Variants in MICU2 observed in about 807,000 individuals in gnomAD.
MICU2 encodes calcium uptake protein 2, mitochondrial.
A neutral mutation model predicts 60.4 loss-of-function variants in MICU2; 64 were observed. The ratio of observed to expected loss-of-function variants is 1.06; its 90% CI spans 0.87 to 1.31. The LOEUF (loss-of-function observed/expected upper bound fraction) is 1.31, where lower values mean the gene tolerates loss of function less well. MICU2 is among the 50% of genes most tolerant of loss of function. The pLI is 0.00. For missense variants in MICU2, 569 were observed against 531.0 expected, an observed-to-expected ratio of 1.07 and a Z score of -0.70; for synonymous variants, 201 against 175.0, an observed-to-expected ratio of 1.15 and a Z score of -1.17.
intron 2 of MICU2, among the ~76,000 whole-genome samples, chr13:21,550,130 A>G (rs1428223964): frequency 6.6e-6 from 1 of 152,216 alleles, no homozygotes; most frequent in Non-Finnish European, 1.5e-5. Flanking sequence ...TAACTTAATA[A>G]AGACTTAAGG....
chr13:21,512,637 G>T (rs1212546201), intron 7 of MICU2, among the ~76,000 whole-genome samples: 4 of 151,832 alleles, frequency 2.6e-5, no homozygotes, highest in Non-Finnish European at 4.4e-5. Flanking sequence ...TTTTAGTAGA[G>T]ACAGGGTTTC....
In MICU2 at chr13:21,534,770, A is replaced by G. The variant is rs527599053; in HGVS notation, c.466+4532T>C. Among the ~76,000 whole-genome samples the G allele has an allele frequency of 5.3e-5, 8 of 152,302 alleles. No individual in the cohort carries two copies. The South Asian group carries it at 8.3e-4, about 16-fold the overall frequency. ...ACTGGGGATATAAAAATAACCACAT[A>G]TATTTTTCCACTTTGAGATTATGGC... On this transcript the variant is annotated intron_variant, in intron 4 of 11. Transcript: ENST00000382374.
intron 1 of MICU2, among the ~76,000 whole-genome samples, chr13:21,579,343 C>CT (rs11372645): frequency 0.72 from 101,294 of 141,378 alleles, 36,508 homozygotes; most frequent in East Asian, 0.99. Context: ...AAAGCTCTGC[C>CT]TTTTTTTTTT....
chr13:21,527,731 G>T (rs1334689682), intron 4 of MICU2, among the ~76,000 whole-genome samples: 1 of 152,192 alleles, frequency 6.6e-6, no homozygotes, highest in Non-Finnish European at 1.5e-5. Context: ...ATGTTTAAAA[G>T]TTTGTTAAAG....
In MICU2 at chr13:21,493,217, A is replaced by G. The variant is rs1885903887; in HGVS notation, c.*32T>C. The stretch of plus-strand genomic sequence containing the variant: ...AAAATCACAAATTTTGACATTTGGA[A>G]CAATATAATTGCCATACTATTATAT... On this transcript the variant is annotated 3_prime_UTR_variant, in exon 12 of 12. Transcript: ENST00000382374. 5.5e-6 allele frequency: 8 copies of G among 1,449,504 alleles called. No individual in the cohort carries two copies. Among genetic ancestry groups the G allele is most frequent in the Non-Finnish European group, 7.5e-6 (8 of 1,062,358 alleles). 89.8% of individuals were successfully genotyped at this position (1,449,504 alleles called of 1,614,324 possible).
At chr13:21,586,233 A>G (rs1456818406) in intron 1 of MICU2, among the ~76,000 whole-genome samples, 1 of 152,224 alleles carries the variant, frequency 6.6e-6, no homozygotes, top group Non-Finnish European at 1.5e-5. Flanking sequence ...CCCTGAATCT[A>G]CTTTTTCAGA....
chr13:21,499,091 C>T (rs1032906596), intron 9 of MICU2, among the ~76,000 whole-genome samples: 1 of 152,148 alleles, frequency 6.6e-6, no homozygotes. Context: ...GCTGTGATTA[C>T]AGGCATGCGC....
At position 21,522,416 on chromosome 13, in the gene MICU2, T is replaced by C. The variant is rs117235954; in HGVS notation, c.514+187A>G. ...AAAGAGACAAAGCTATGGGCTGCTA[T>C]AGTGCACAGGAGGCAGAAGTGACCC... On this transcript the variant is annotated intron_variant, in intron 5 of 11. Coordinates refer to ENST00000382374, the MANE Select transcript of MICU2 (RefSeq NM_152726.3). 3.9e-5 allele frequency among the ~76,000 whole-genome samples: 6 copies of C among 152,292 alleles called. No homozygotes were observed. In the East Asian group the frequency reaches 1.2e-3, roughly 29 times the overall value.
At chr13:21,532,859 G>C (rs1006450365) in intron 4 of MICU2, among the ~76,000 whole-genome samples, 2 of 152,040 alleles carry the variant, frequency 1.3e-5, no homozygotes, top group Non-Finnish European at 2.9e-5. Flanking sequence ...GTGAGGAAGT[G>C]AACACAACAC....
intron 2 of MICU2, among the ~76,000 whole-genome samples, chr13:21,548,488 A>G (rs1055353406): frequency 2.6e-5 from 4 of 152,232 alleles, no homozygotes; most frequent in Non-Finnish European, 4.4e-5. Flanking sequence ...AATTGAGAAT[A>G]TTAATTTTAA....
In MICU2 at chr13:21,582,125, G is replaced by A. The variant is rs112327751; in HGVS notation, c.211-15181C>T. ...TAGAGAAACAACTAAAGAGAAATAC[G>A]GGTGACAAGAGACTGGAGAGCAAGG... On this transcript the variant is annotated intron_variant, in intron 1 of 11. Coordinates refer to ENST00000382374, the MANE Select transcript of MICU2 (RefSeq NM_152726.3). Among the ~76,000 whole-genome samples, 197 of 152,228 alleles carry A rather than the reference G, an allele frequency of 1.3e-3. 1 individual carries two copies. The highest frequency in any genetic ancestry group is 4.4e-3 in the Admixed American group (67 of 15,288).
chr13:21,494,276 T>TTC (rs1382971115), intron 11 of MICU2, among the ~76,000 whole-genome samples: 1 of 151,954 alleles, frequency 6.6e-6, no homozygotes, highest in African/African-American at 2.4e-5. Context: ...TAGTACCATA[T>TTC]TCTCTCTCTC....
At chr13:21,603,799 G>T in intron 1 of MICU2, 140 bp downstream of exon 1, 2 of 945,790 alleles carry the variant, frequency 2.1e-6, no homozygotes, top group Non-Finnish European at 3.1e-6. Flanking sequence ...AGTCCCACCA[G>T]TCGCAGGGCG....
At chr13:21,497,742 A>G (rs2138129370) in intron 9 of MICU2, among the ~76,000 whole-genome samples, 1 of 152,274 alleles carries the variant, frequency 6.6e-6, no homozygotes, top group East Asian at 1.9e-4. Flanking sequence ...TAAACAAAGT[A>G]TGAAAATTCT....
In MICU2 at chr13:21,558,906, T is replaced by C. The variant is rs149858199; in HGVS notation, c.358+7891A>G. On this transcript the variant is annotated intron_variant, in intron 2 of 11. Coordinates refer to ENST00000382374, the MANE Select transcript of MICU2 (RefSeq NM_152726.3). ...AAGTAGCTGGGGGCAAGATGAGAAATGCTGGTATCCGGTTTCTCTGGGAAG... is the reference window on the plus strand; with the variant it reads ...AAGTAGCTGGGGGCAAGATGAGAAACGCTGGTATCCGGTTTCTCTGGGAAG... 2.3e-3 allele frequency among the ~76,000 whole-genome samples: 351 copies of C among 152,198 alleles called. 3 individuals carry two copies. The highest frequency in any genetic ancestry group is 7.7e-3 in the African/African-American group (319 of 41,544).
rs188363485 is a variant in MICU2, at chr13:21,541,184, T to G, written c.359-1496A>C. Among the ~76,000 whole-genome samples, 247 of 152,160 alleles carry G rather than the reference T, an allele frequency of 1.6e-3. 1 individual carries two copies. The highest frequency in any genetic ancestry group is 5.7e-3 in the African/African-American group (236 of 41,540). The stretch of plus-strand genomic sequence containing the variant: ...ATGGTGTCTAAGAGTTTCTTAGAAA[T>G]CAGATTATTTCTAAGGGGTGTTATC... On this transcript the variant is annotated intron_variant, in intron 2 of 11. Coordinates refer to ENST00000382374, the MANE Select transcript of MICU2 (RefSeq NM_152726.3).
intron 10 of MICU2, 194 bp from the exon 11 acceptor site, chr13:21,495,512 C>T (rs1885972431): frequency 1.9e-6 from 1 of 526,460 alleles, no homozygotes; most frequent in African/African-American, 1.9e-5. Flanking sequence ...CACTGCAAGA[C>T]AAATGAGCTA....
chr13:21,581,551 C>A (rs73445720), intron 1 of MICU2, among the ~76,000 whole-genome samples: 3,430 of 152,050 alleles, frequency 0.023, 135 homozygotes, highest in African/African-American at 0.079. Context: ...CAGATTCACA[C>A]CCTATTCAAA....
intron 4 of MICU2, among the ~76,000 whole-genome samples, chr13:21,528,083 G>A (rs1886900033): frequency 6.6e-6 from 1 of 151,988 alleles, no homozygotes; most frequent in South Asian, 2.1e-4. Flanking sequence ...TTTTGAGGAT[G>A]GTATTAAAAT....
Sources: gnomAD v4.1 joint callset for allele counts (sites outside exome capture counted in the v4.1 genomes callset) on GRCh38, gnomAD v4.1.1 for gene constraint, MANE v1.5 for transcripts, NCBI Gene and HGNC (gene_info 2026-07-23, HGNC 2026-07-21) for gene names.